The following DIAPH3 variants were observed in gnomAD, a reference collection of about 807,000 sequenced individuals.
DIAPH3 encodes protein diaphanous homolog 3.
In DIAPH3, 117 loss-of-function variants were observed where a neutral mutation model predicts 144.3. The ratio of observed to expected loss-of-function variants is 0.81; its 90% CI spans 0.70 to 0.95. The LOEUF (loss-of-function observed/expected upper bound fraction) is 0.95, where lower values mean the gene tolerates loss of function less well. DIAPH3 is among the 40% of genes least tolerant of loss of function. The pLI, the probability that DIAPH3 is intolerant of heterozygous loss-of-function variation, is 0.00. For synonymous variants in DIAPH3, 519 were observed against 488.9 expected, an observed-to-expected ratio of 1.06 and a Z score of -0.81; for missense variants, 1,421 against 1,412.7, an observed-to-expected ratio of 1.01 and a Z score of -0.09.
At chr13:59,746,224 G>A (rs991798317) in intron 27 of DIAPH3, among the ~76,000 whole-genome samples, 4 of 151,806 alleles carry the variant, frequency 2.6e-5, no homozygotes, top group African/African-American at 9.7e-5. Flanking sequence ...CTGGGTTTTT[G>A]TTTGTTTGTT....
At chr13:59,796,816 T>C (rs1358423429) in intron 25 of DIAPH3, among the ~76,000 whole-genome samples, 1 of 152,202 alleles carries the variant, frequency 6.6e-6, no homozygotes, top group East Asian at 1.9e-4. Flanking sequence ...AGAGATTATG[T>C]TGTAAAAGAG....
intron 21 of DIAPH3, among the ~76,000 whole-genome samples, chr13:59,864,589 G>A (rs961792166): frequency 3.9e-5 from 6 of 151,970 alleles, no homozygotes; most frequent in South Asian, 2.1e-4. Flanking sequence ...TCTCAATGAC[G>A]GAAGAACAAC....
chr13:59,973,425 AT>A lies in DIAPH3; in HGVS notation c.1650+926del, dbSNP rs1346590949. 5.3e-5 allele frequency among the ~76,000 whole-genome samples: 8 copies of A among 150,680 alleles called. 1 individual carries two copies. The highest frequency in any genetic ancestry group is 3.9e-4 in the Admixed American group (6 of 15,234). ...AGAGACAAGGAACCATATGGGAAAG[AT>A]AAAAAAAAAAATTCAATAAAATGTG... On this transcript the variant is annotated intron_variant, in intron 15 of 27. Transcript: ENST00000400324.
chr13:59,955,340 G>A lies in DIAPH3; in HGVS notation c.2074+14604C>T, dbSNP rs187442621. 3.4e-3 allele frequency among the ~76,000 whole-genome samples: 513 copies of A among 152,104 alleles called. 2 individuals are homozygous for A. The highest frequency in any genetic ancestry group is 0.012 in the African/African-American group (481 of 41,502). On this transcript the variant is annotated intron_variant, in intron 17 of 27. Coordinates refer to ENST00000400324, the MANE Select transcript of DIAPH3 (RefSeq NM_001042517.2). ...TGTCATGATAGTGAATAAGTTTCAT[G>A]AGAGCTGATATTTTTATAAAGGGCA...
intron 5 of DIAPH3, among the ~76,000 whole-genome samples, chr13:60,036,382 C>T (rs2055217414): frequency 1.3e-5 from 2 of 152,024 alleles, no homozygotes; most frequent in Non-Finnish European, 2.9e-5. Context: ...ATGGTAGCCA[C>T]TAACTACATG....
chr13:59,847,797 T>C (rs765462999), intron 22 of DIAPH3, among the ~76,000 whole-genome samples: 4 of 152,172 alleles, frequency 2.6e-5, no homozygotes, highest in Non-Finnish European at 5.9e-5. Flanking sequence ...GCCTCACAAT[T>C]CCAAGATTGT....
intron 25 of DIAPH3, among the ~76,000 whole-genome samples, chr13:59,798,040 G>A (rs988747166): frequency 6.6e-6 from 1 of 152,084 alleles, no homozygotes; most frequent in Non-Finnish European, 1.5e-5. Flanking sequence ...AAGCTGGTAG[G>A]AGCAGCATCA....
chr13:59,725,568 T>C (rs1043817040), intron 27 of DIAPH3, among the ~76,000 whole-genome samples: 2 of 152,190 alleles, frequency 1.3e-5, no homozygotes, highest in Non-Finnish European at 2.9e-5. Context: ...TCCAAGGCAC[T>C]TCTGAACTTG....
intron 27 of DIAPH3, among the ~76,000 whole-genome samples, chr13:59,705,127 G>A (rs1332175652): frequency 6.6e-6 from 1 of 151,870 alleles, no homozygotes; most frequent in Non-Finnish European, 1.5e-5. Flanking sequence ...GCCAAACAGT[G>A]TGTGAGAGAT....
At chr13:60,010,119 A>T (rs894798275) in intron 8 of DIAPH3, among the ~76,000 whole-genome samples, 13 of 152,290 alleles carry the variant, frequency 8.5e-5, no homozygotes, top group African/African-American at 3.1e-4. Context: ...CCTTATATAT[A>T]GATTTCCAAA....
intron 5 of DIAPH3, among the ~76,000 whole-genome samples, chr13:60,029,188 C>T (rs1248897572): frequency 6.6e-6 from 1 of 151,912 alleles, no homozygotes; most frequent in Non-Finnish European, 1.5e-5. Flanking sequence ...ATTCTCGATT[C>T]CTCCTTTTCA....
chr13:59,830,258 T>C (rs2041703478), intron 24 of DIAPH3, among the ~76,000 whole-genome samples: 1 of 151,720 alleles, frequency 6.6e-6, no homozygotes. Context: ...AAGCGATATA[T>C]TTTGTCTAAA....
intron 24 of DIAPH3, among the ~76,000 whole-genome samples, chr13:59,811,199 G>C (rs1047998793): frequency 6.6e-6 from 1 of 151,828 alleles, no homozygotes; most frequent in African/African-American, 2.4e-5. Flanking sequence ...ATGGGAGACA[G>C]AAACTGAAAA....
Position 60,042,785 on chromosome 13 carries a change from C to T in DIAPH3, c.531G>A (p.Gln177=), listed in dbSNP as rs201160976. The stretch of plus-strand genomic sequence containing the variant: ...CCATTTTCAGCTCATGAATGAATTC[C>T]TGAGGTGAGATCTGTCGGCTTCTCT... ...SLKRSRQISP[Q]EFIHELKMGS... Residue 177 remains glutamine, a synonymous_variant, in exon 5 of 28, where the codon CAG becomes CAA. Coordinates refer to ENST00000400324, the MANE Select transcript of DIAPH3 (RefSeq NM_001042517.2). 7.4e-5 allele frequency: 119 copies of T among 1,613,616 alleles called. No homozygotes were observed. In the African/African-American group the frequency reaches 1.5e-3, roughly 20 times the overall value.
In DIAPH3 at chr13:59,973,730, C is replaced by T. The variant is rs77109832; in HGVS notation, c.1650+622G>A. On this transcript the variant is annotated intron_variant, in intron 15 of 27. Transcript: ENST00000400324. ...TATACTTATTGCTCATCATCCTGTA[C>T]GTAAATCTACATGAAGAAATTTAGC... Among the ~76,000 whole-genome samples, 345 of 152,184 alleles carry T rather than the reference C, an allele frequency of 2.3e-3. 1 individual carries two copies. Among genetic ancestry groups the T allele is most frequent in the African/African-American group, 7.8e-3 (325 of 41,552 alleles).
chr13:59,825,918 C>A (rs2041384713), intron 24 of DIAPH3, among the ~76,000 whole-genome samples: 1 of 152,026 alleles, frequency 6.6e-6, no homozygotes, highest in Non-Finnish European at 1.5e-5. Flanking sequence ...TAAACAAAAC[C>A]AAAGACAAAA....
At chr13:59,748,113 C>T (rs1223659961) in intron 27 of DIAPH3, among the ~76,000 whole-genome samples, 8 of 152,168 alleles carry the variant, frequency 5.3e-5, no homozygotes, top group Non-Finnish European at 7.3e-5. Context: ...CCTGGAACAA[C>T]GTTGGTAGAG....
intron 8 of DIAPH3, among the ~76,000 whole-genome samples, chr13:60,009,904 A>T (rs1387924066): frequency 6.6e-6 from 1 of 152,168 alleles, no homozygotes; most frequent in African/African-American, 2.4e-5. Flanking sequence ...ATTTTAAATA[A>T]TTTTTAAATG....
At chr13:59,746,282 A>G (rs1234335048) in intron 27 of DIAPH3, among the ~76,000 whole-genome samples, 1 of 152,064 alleles carries the variant, frequency 6.6e-6, no homozygotes, top group Non-Finnish European at 1.5e-5. Flanking sequence ...GAATGTAGTG[A>G]TAACAATCTT....
Sources: allele counts gnomAD v4.1 joint callset (sites outside exome capture counted in the v4.1 genomes callset), GRCh38; gene constraint gnomAD v4.1.1; transcripts MANE v1.5; gene names NCBI Gene and HGNC (gene_info 2026-07-23, HGNC 2026-07-21).